SCN9A: variants seen among roughly 807,000 people sequenced by gnomAD.
The protein encoded by SCN9A is sodium channel protein type 9 subunit alpha.
SCN9A carries 131 observed loss-of-function variants against 187.0 expected under a neutral mutation model. That is an observed-to-expected ratio of 0.70 (90% CI 0.61 to 0.81). The LOEUF is 0.81. SCN9A is among the 30% of genes least tolerant of loss of function. SCN9A has a pLI of 0.00. For synonymous variants in SCN9A, 809 were observed against 808.6 expected, an observed-to-expected ratio of 1.00 and a Z score of -0.01; for missense variants, 2,252 against 2,396.6, an observed-to-expected ratio of 0.94 and a Z score of 1.26.
At chr2:166,230,351 A>T (rs10170041) in intron 21 of SCN9A, among the ~76,000 whole-genome samples, 85,847 of 151,896 alleles carry the variant, frequency 0.57, 24,679 homozygotes, top group Non-Finnish European at 0.6. Flanking sequence ...AGATTCTTAC[A>T]GTCTATGTGA....
intron 17 of SCN9A, among the ~76,000 whole-genome samples, chr2:166,260,476 T>A (rs1696459139): frequency 6.6e-6 from 1 of 151,948 alleles, no homozygotes; most frequent in Non-Finnish European, 1.5e-5. Flanking sequence ...CCTTACTCAA[T>A]GCATCCTCAA....
rs199905079 is a variant in SCN9A, at chr2:166,278,333, T to A, written c.2344-20A>T. 3.7e-4 allele frequency: 576 copies of A among 1,546,408 alleles called. 1 individual carries two copies. Among genetic ancestry groups the A allele is most frequent in the Non-Finnish European group, 4.8e-4 (554 of 1,146,812 alleles). ...AAAGACCTAAGTGAGAAAAATAATGTTTTTCTGTTAATATTAGAAAACAGG... is the reference window on the plus strand; with the variant it reads ...AAAGACCTAAGTGAGAAAAATAATGATTTTCTGTTAATATTAGAAAACAGG... On this transcript the variant is annotated intron_variant, in intron 14 of 26. Coordinates refer to ENST00000642356, the MANE Select transcript of SCN9A (RefSeq NM_001365536.1).
chr2:166,337,148 T>G (rs187187436), intron 1 of SCN9A, among the ~76,000 whole-genome samples: 44 of 152,222 alleles, frequency 2.9e-4, no homozygotes, highest in African/African-American at 8.7e-4. Flanking sequence ...TGGTTACATT[T>G]GAAAGATAAT....
At position 166,311,771 on chromosome 2, in the gene SCN9A, T is replaced by C; in HGVS notation, c.-15A>G. The stretch of plus-strand genomic sequence containing the variant: ...AACATTGCCATCTTTTCATCCTGTA[T>C]ATTTTAATTCCTCTTCAGCTCCTCA... On this transcript the variant is annotated 5_prime_UTR_variant, in exon 2 of 27. It adds an upstream start codon to the 5' untranslated region. Coordinates refer to ENST00000642356, the MANE Select transcript of SCN9A (RefSeq NM_001365536.1). 6.4e-7 allele frequency: 1 copy of C among 1,573,876 alleles called. No homozygotes were observed. The highest frequency in any genetic ancestry group is 8.6e-7 in the Non-Finnish European group (1 of 1,156,544).
chr2:166,251,810 C>T lies in SCN9A; in HGVS notation c.3427G>A (p.Ala1143Thr). The change falls in exon 18 of 27, where the codon GCT (alanine) becomes ACT (threonine). Residue 1143 changes from alanine (A) to threonine (T), a missense_variant. Physicochemically the swap from Ala to Thr is moderately conservative, Grantham distance 58. Transcript: ENST00000642356. Reference protein sequence around the residue: ...PLPGEGEEAEAEPMNSDEPEA... With the variant: ...PLPGEGEEAETEPMNSDEPEA... ...GGCTCATCGGAATTCATAGGTTCAG[C>T]CTCTGCTTCTTCTCCTTCTCCAGGC... 3 of 1,612,712 alleles carry T rather than the reference C, an allele frequency of 1.9e-6. No homozygotes were observed. The highest frequency in any genetic ancestry group is 2.5e-6 in the Non-Finnish European group (3 of 1,179,118).
chr2:166,328,746 A>G (rs1366084356), intron 1 of SCN9A, among the ~76,000 whole-genome samples: 1 of 152,174 alleles, frequency 6.6e-6, no homozygotes, highest in Non-Finnish European at 1.5e-5. Context: ...GTGAAAAATG[A>G]CTACACAAAG....
chr2:166,288,454 CT>C lies in SCN9A; in HGVS notation c.1296del (p.Glu433SerfsTer36). On this transcript the variant is annotated frameshift_variant, in exon 10 of 27. Transcript: ENST00000642356. LOFTEE classifies it high-confidence loss of function. ...AACAGTACCTCAGCTTCTTCTTGCT[CT>C]TTTTTAAGACGGTCTAACATCTGTT... ...EFQQMLDRLK[K>X]EQEEAEAIAA... The C allele has an allele frequency of 6.2e-7, 1 of 1,609,192 alleles. No homozygotes were observed. The highest frequency in any genetic ancestry group is 8.5e-7 in the Non-Finnish European group (1 of 1,176,902).
chr2:166,273,624 T>C (rs960358172), intron 16 of SCN9A, among the ~76,000 whole-genome samples: 2 of 152,012 alleles, frequency 1.3e-5, no homozygotes, highest in African/African-American at 4.8e-5. Flanking sequence ...TTATTTTTTT[T>C]TCTCACTGAA....
chr2:166,224,110 A>G (rs1437799963), intron 24 of SCN9A, among the ~76,000 whole-genome samples: 1 of 152,160 alleles, frequency 6.6e-6, no homozygotes, highest in African/African-American at 2.4e-5. Flanking sequence ...AAGCAGGAAG[A>G]TTAAAGTCAA....
intron 1 of SCN9A, among the ~76,000 whole-genome samples, chr2:166,349,983 T>G (rs538535248): frequency 4.6e-5 from 4 of 86,146 alleles, no homozygotes; most frequent in Non-Finnish European, 9.4e-5. Flanking sequence ...ACAAAAAAAA[T>G]AAAAAATAAA....
At chr2:166,251,643 C>T (rs550625609) in intron 18 of SCN9A, 122 bp downstream of exon 18, 2 of 1,017,676 alleles carry the variant, frequency 2.0e-6, no homozygotes, top group East Asian at 4.9e-5. Context: ...ACAGCTATAG[C>T]TGAATCAGCA....
intron 1 of SCN9A, among the ~76,000 whole-genome samples, chr2:166,326,350 C>T (rs1699363444): frequency 6.6e-6 from 1 of 152,114 alleles, no homozygotes; most frequent in Non-Finnish European, 1.5e-5. Flanking sequence ...TATATCCATT[C>T]CTATGTGCTC....
intron 1 of SCN9A, among the ~76,000 whole-genome samples, chr2:166,364,882 G>A (rs1700377995): frequency 6.6e-6 from 1 of 152,050 alleles, no homozygotes; most frequent in Admixed American, 6.6e-5. Context: ...CGTGTTTTGA[G>A]ATCCGTAAGG....
At chr2:166,340,541 C>CCTTTCTTTCTTTCTTTCTTTCTTT (rs201511761) in intron 1 of SCN9A, among the ~76,000 whole-genome samples, 5 of 67,852 alleles carry the variant, frequency 7.4e-5, no homozygotes, top group East Asian at 3.4e-4. Flanking sequence ...CTTTTCTTTC[C>CCTTTCTTTCTTTCTTTCTTTCTTT]CTTTCTTTCT....
chr2:166,253,745 C>G (rs932678913), intron 17 of SCN9A, among the ~76,000 whole-genome samples: 19 of 151,678 alleles, frequency 1.3e-4, no homozygotes, highest in Admixed American at 8.6e-4. Flanking sequence ...AAGTTAAGAC[C>G]AGGCCCTTCA....
chr2:166,281,590 C>T lies in SCN9A; in HGVS notation c.2104+89G>A. On this transcript the variant is annotated intron_variant, in intron 13 of 26. Coordinates refer to ENST00000642356, the MANE Select transcript of SCN9A (RefSeq NM_001365536.1). ...CCATTTTATGGTCTCTGAATTCTTCCTAAGAATTTCATGTGCCTATTTAAG... is the reference window on the plus strand; with the variant it reads ...CCATTTTATGGTCTCTGAATTCTTCTTAAGAATTTCATGTGCCTATTTAAG... The T allele has an allele frequency of 1.6e-6, 2 of 1,215,464 alleles. 1 individual carries two copies. The highest frequency in any genetic ancestry group is 3.1e-5 in the South Asian group (2 of 63,744). The allele number at this position is 1,215,464 out of a possible 1,614,324, so 75.3% of individuals were successfully genotyped here.
At position 166,320,235 on chromosome 2, in the gene SCN9A, G is replaced by A. The variant is rs142518463; in HGVS notation, c.-50-8429C>T. 2.0e-5 allele frequency among the ~76,000 whole-genome samples: 3 copies of A among 152,162 alleles called. No homozygotes were observed. In the East Asian group the frequency reaches 5.8e-4, roughly 29 times the overall value. ...AAATTGTTTGAATTAGTTACCATGT[G>A]CATTTGTTAATTTTATAATAGTTAT... On this transcript the variant is annotated intron_variant, in intron 1 of 26. Transcript: ENST00000642356.
chr2:166,297,221 A>AAAAAAAAAAC (rs1698352697), intron 7 of SCN9A, among the ~76,000 whole-genome samples: 1 of 138,670 alleles, frequency 7.2e-6, no homozygotes, highest in African/African-American at 2.6e-5. Context: ...AAAAAAAAAA[A>AAAAAAAAAAC]AAAAAAGAAC....
In SCN9A at chr2:166,226,660, A is replaced by G. The variant is rs200479892; in HGVS notation, c.4305T>C (p.Ile1435=). ...CAAAGATGATAAAGACGACAAAATA[A>G]ATATACATGTAGAGGCTATATTCAT... is the stretch of plus-strand genomic sequence containing the variant. ...PKYEYSLYMY[I]YFVVFIIFGS... Residue 1435 remains isoleucine (I), a synonymous_variant, in exon 24 of 27, where the codon ATT becomes ATC. Coordinates refer to ENST00000642356, the MANE Select transcript of SCN9A (RefSeq NM_001365536.1). The G allele has an allele frequency of 1.3e-6, 2 of 1,592,058 alleles. No homozygotes were observed. The highest frequency in any genetic ancestry group is 1.7e-6 in the Non-Finnish European group (2 of 1,169,476).
Sources: gnomAD v4.1 joint callset for allele counts (sites outside exome capture counted in the v4.1 genomes callset) on GRCh38, gnomAD v4.1.1 for gene constraint, MANE v1.5 for transcripts, NCBI Gene and HGNC (gene_info 2026-07-23, HGNC 2026-07-21) for gene names.